The following NBEA variants were observed in gnomAD, a reference collection of about 807,000 sequenced individuals.
NBEA encodes the protein neurobeachin.
Under a neutral mutation model 343.4 loss-of-function variants are expected in NBEA, and 44 were observed. The observed-to-expected ratio is 0.13, with a 90% confidence interval of 0.10 to 0.16. The LOEUF (loss-of-function observed/expected upper bound fraction) is 0.16. Among genes scored for constraint, NBEA ranks in the 10% least tolerant of loss-of-function variants. The pLI is 1.00. For missense variants in NBEA, 2,555 were observed against 3,631.3 expected, an observed-to-expected ratio of 0.70 and a Z score of 7.62; for synonymous variants, 1,175 against 1,238.7, an observed-to-expected ratio of 0.95 and a Z score of 1.08.
chr13:35,292,473 T>C (rs1566576094), intron 35 of NBEA, among the ~76,000 whole-genome samples: 1 of 152,008 alleles, frequency 6.6e-6, no homozygotes, highest in Non-Finnish European at 1.5e-5. Context: ...CAGCCTTTAA[T>C]GCATCTCTTG....
In NBEA at chr13:35,361,255, T is replaced by G. The variant is rs182505869; in HGVS notation, c.6179+8932T>G. On this transcript the variant is annotated intron_variant, in intron 38 of 58. Coordinates refer to ENST00000379939, the MANE Select transcript of NBEA (RefSeq NM_001385012.1). ...TATTCTCTAGAAATGAAGGCAAAATTAAAACATTCTCAATGAAGTATTAAG... is the reference window on the plus strand; with the variant it reads ...TATTCTCTAGAAATGAAGGCAAAATGAAAACATTCTCAATGAAGTATTAAG... 7.8e-4 allele frequency among the ~76,000 whole-genome samples: 119 copies of G among 152,162 alleles called. 1 individual carries two copies. The highest frequency in any genetic ancestry group is 7.1e-3 in the Admixed American group (108 of 15,262).
intron 58 of NBEA, among the ~76,000 whole-genome samples, chr13:35,669,336 T>C (rs1216535178): frequency 1.3e-5 from 2 of 152,248 alleles, no homozygotes; most frequent in African/African-American, 4.8e-5. Flanking sequence ...TAAGAAAAGC[T>C]TGTTAATCAA....
intron 38 of NBEA, among the ~76,000 whole-genome samples, chr13:35,364,968 G>A (rs2041018255): frequency 6.6e-6 from 1 of 151,706 alleles, no homozygotes. Context: ...GACCCTGATA[G>A]AACTCTAATA....
intron 38 of NBEA, among the ~76,000 whole-genome samples, chr13:35,384,943 A>T (rs901750290): frequency 6.6e-6 from 1 of 152,212 alleles, no homozygotes; most frequent in Non-Finnish European, 1.5e-5. Flanking sequence ...GAGGATCACC[A>T]AACAGGATTC....
At chr13:35,222,348 A>G (rs765249353) in intron 33 of NBEA, among the ~76,000 whole-genome samples, 6 of 151,774 alleles carry the variant, frequency 4.0e-5, no homozygotes, top group Admixed American at 6.6e-5. Context: ...CTATATTTTT[A>G]TACTTAAAGC....
intron 38 of NBEA, among the ~76,000 whole-genome samples, chr13:35,353,126 G>A (rs1389680180): frequency 6.6e-6 from 1 of 152,114 alleles, no homozygotes; most frequent in Non-Finnish European, 1.5e-5. Context: ...ATACTACTAA[G>A]AAGAGCCTTG....
At chr13:35,285,062 T>G (rs1437256107) in intron 34 of NBEA, among the ~76,000 whole-genome samples, 1 of 152,160 alleles carries the variant, frequency 6.6e-6, no homozygotes, top group Admixed American at 6.6e-5. Context: ...TCCACGTCTA[T>G]AGTTATTCAA....
At chr13:34,949,042 G>A (rs2152482094) in intron 1 of NBEA, among the ~76,000 whole-genome samples, 1 of 152,246 alleles carries the variant, frequency 6.6e-6, no homozygotes, top group East Asian at 1.9e-4. Flanking sequence ...GAGTTTAAAT[G>A]AGAACCAAAT....
intron 35 of NBEA, among the ~76,000 whole-genome samples, chr13:35,298,209 GTGTATATATATATATATATATA>G (rs1350412804): frequency 9.9e-5 from 6 of 60,838 alleles, no homozygotes; most frequent in African/African-American, 1.6e-4. Flanking sequence ...GTGTGTGTGT[GTGTATATATATATATATATATA>G]TATATATATA....
At chr13:35,175,898 C>T (rs927357207) in intron 27 of NBEA, among the ~76,000 whole-genome samples, 6 of 152,160 alleles carry the variant, frequency 3.9e-5, no homozygotes, top group African/African-American at 1.4e-4. Flanking sequence ...CTTCTCCTAT[C>T]ATGTTGTCTT....
chr13:35,453,245 T>G (rs1388242200), intron 40 of NBEA, among the ~76,000 whole-genome samples: 1 of 152,222 alleles, frequency 6.6e-6, no homozygotes, highest in Non-Finnish European at 1.5e-5. Context: ...GATAGCACAT[T>G]ATTCTCCCTT....
At chr13:35,424,349 T>C (rs1248153530) in intron 38 of NBEA, among the ~76,000 whole-genome samples, 1 of 152,236 alleles carries the variant, frequency 6.6e-6, no homozygotes, top group Non-Finnish European at 1.5e-5. Context: ...ATTGAGAGTT[T>C]TTAGCATGAA....
At chr13:35,535,805 A>G (rs1037814821) in intron 41 of NBEA, among the ~76,000 whole-genome samples, 1 of 152,206 alleles carries the variant, frequency 6.6e-6, no homozygotes, top group Non-Finnish European at 1.5e-5. Flanking sequence ...CATGGCATAC[A>G]GATATATAAA....
At chr13:35,057,010 T>TA (rs1294392126) in intron 7 of NBEA, among the ~76,000 whole-genome samples, 2 of 152,114 alleles carry the variant, frequency 1.3e-5, no homozygotes, top group Non-Finnish European at 1.5e-5. Flanking sequence ...GGATTCTAGG[T>TA]AGAGAATAAC....
At position 35,371,269 on chromosome 13, in the gene NBEA, T is replaced by C. The variant is rs992854082; in HGVS notation, c.6179+18946T>C. Among the ~76,000 whole-genome samples the C allele has an allele frequency of 1.2e-4, 18 of 152,230 alleles. 1 individual carries two copies. Among genetic ancestry groups the C allele is most frequent in the Admixed American group, 9.2e-4 (14 of 15,290 alleles). On this transcript the variant is annotated intron_variant, in intron 38 of 58. Coordinates refer to ENST00000379939, the MANE Select transcript of NBEA (RefSeq NM_001385012.1). ...AAAATTCAAATATTTAGTAGCTTTG[T>C]GATGTGTGTTGTGTTATGAGGACTT...
chr13:35,202,579 G>A (rs773203529), intron 31 of NBEA, among the ~76,000 whole-genome samples: 2 of 152,008 alleles, frequency 1.3e-5, no homozygotes, highest in South Asian at 2.1e-4. Flanking sequence ...AAAATTTACC[G>A]AACTGTTTAA....
chr13:35,050,665 A>G (rs540913735), intron 6 of NBEA, among the ~76,000 whole-genome samples: 29 of 152,144 alleles, frequency 1.9e-4, no homozygotes, highest in Admixed American at 3.3e-4. Context: ...GATACTTATT[A>G]TCTACTGAGT....
At chr13:35,534,560 G>T (rs115221422) in intron 41 of NBEA, among the ~76,000 whole-genome samples, 2 of 152,302 alleles carry the variant, frequency 1.3e-5, no homozygotes, top group Non-Finnish European at 2.9e-5. Context: ...CATCCTTTCT[G>T]CAGTGAGTGC....
At chr13:35,277,728 GA>G (rs2034721896) in intron 34 of NBEA, among the ~76,000 whole-genome samples, 1 of 149,984 alleles carries the variant, frequency 6.7e-6, no homozygotes, top group Admixed American at 6.7e-5. Context: ...TATTCTAAAG[GA>G]AAAAAAGAAA....
Sources: gnomAD v4.1 joint callset for allele counts (sites outside exome capture counted in the v4.1 genomes callset) on GRCh38, gnomAD v4.1.1 for gene constraint, MANE v1.5 for transcripts, NCBI Gene and HGNC (gene_info 2026-07-23, HGNC 2026-07-21) for gene names.